Variants in ZNF385D observed in about 807,000 individuals in gnomAD.
ZNF385D encodes the protein zinc finger protein 659.
Under a neutral mutation model 35.8 loss-of-function variants are expected in ZNF385D, and 15 were observed. The observed-to-expected ratio is 0.42, with a 90% CI of 0.28 to 0.64. ZNF385D has a LOEUF of 0.64. Among genes scored for constraint, ZNF385D ranks in the 30% least tolerant of loss-of-function variants. ZNF385D has a pLI of 0.23. For synonymous variants in ZNF385D, 212 were observed against 186.8 expected (o/e 1.13, Z -1.10); for missense variants, 474 against 494.6 (o/e 0.96, Z 0.39).
At chr3:22,358,216 GA>G (rs2125507194) in intron 2 of ZNF385D, among the ~76,000 whole-genome samples, 1 of 151,980 alleles carries the variant, frequency 6.6e-6, no homozygotes, top group African/African-American at 2.4e-5. Flanking sequence ...TCAGAAATAT[GA>G]CAAATTGAGG....
At chr3:22,331,985 A>T (rs1363961981) in intron 2 of ZNF385D, among the ~76,000 whole-genome samples, 1 of 152,166 alleles carries the variant, frequency 6.6e-6, no homozygotes, top group Non-Finnish European at 1.5e-5. Context: ...CTTGAAACTT[A>T]ATAGTTTCAA....
At chr3:21,753,684 G>T (rs1575592453), upstream of ZNF385D, among the ~76,000 whole-genome samples, 1 of 152,100 alleles carries the variant, frequency 6.6e-6, no homozygotes, top group South Asian at 2.1e-4. Context: ...AGTGATGTTT[G>T]TTTTAATTGT....
chr3:21,599,240 A>G (rs1268250772), intron 2 of ZNF385D, among the ~76,000 whole-genome samples: 1 of 152,216 alleles, frequency 6.6e-6, no homozygotes, highest in African/African-American at 2.4e-5. Context: ...GAGGATAACA[A>G]AGTTGAAAAA....
intron 2 of ZNF385D, among the ~76,000 whole-genome samples, chr3:22,211,500 G>A (rs904486482): frequency 1.3e-5 from 2 of 151,936 alleles, no homozygotes; most frequent in African/African-American, 4.8e-5. Context: ...TGAGCATTTG[G>A]AATTTAGTTT....
At chr3:21,612,981 TTTTTC>T (rs2064731220) in intron 2 of ZNF385D, among the ~76,000 whole-genome samples, 1 of 122,220 alleles carries the variant, frequency 8.2e-6, no homozygotes, top group Non-Finnish European at 1.6e-5. Context: ...TGCAACATCT[TTTTTC>T]TTTTTTCTTT....
chr3:22,352,827 T>A (rs1695978679), intron 2 of ZNF385D, among the ~76,000 whole-genome samples: 1 of 152,198 alleles, frequency 6.6e-6, no homozygotes, highest in African/African-American at 2.4e-5. Flanking sequence ...AGCAGGTTCC[T>A]ATCACATTTT....
At chr3:22,006,615 G>A (rs1696223481) in intron 3 of ZNF385D, among the ~76,000 whole-genome samples, 1 of 152,002 alleles carries the variant, frequency 6.6e-6, no homozygotes, top group Non-Finnish European at 1.5e-5. Flanking sequence ...ACAGAAAGAA[G>A]AGAGTTAAGT....
At chr3:22,127,846 ACTAT>A (rs144756473) in intron 3 of ZNF385D, among the ~76,000 whole-genome samples, 3,807 of 152,212 alleles carry the variant, frequency 0.025, 58 homozygotes, top group Middle Eastern at 0.061. Context: ...ATCATACTAT[ACTAT>A]CTATGTCTTT....
chr3:21,490,480 C>T lies in ZNF385D; in HGVS notation c.439+20381G>A, dbSNP rs148865882. 1.5e-3 allele frequency among the ~76,000 whole-genome samples: 224 copies of T among 152,324 alleles called. 1 individual carries two copies. Among genetic ancestry groups the T allele is most frequent in the African/African-American group, 5.1e-3 (210 of 41,576 alleles). On this transcript the variant is annotated intron_variant, in intron 4 of 7. Transcript: ENST00000281523. ...ATCATCAGATGGAATCTATCCCCTA[C>T]CCCTTTATGCCTGTCTCAACCAATA... is the stretch of plus-strand genomic sequence containing the variant.
intron 2 of ZNF385D, among the ~76,000 whole-genome samples, chr3:22,185,330 C>T (rs1695557239): frequency 6.6e-6 from 1 of 152,142 alleles, no homozygotes; most frequent in African/African-American, 2.4e-5. Context: ...TTCAATGGTG[C>T]TCGTTAGTAA....
At chr3:21,731,266 A>G (rs2068984126) in intron 1 of ZNF385D, among the ~76,000 whole-genome samples, 1 of 152,180 alleles carries the variant, frequency 6.6e-6, no homozygotes, top group African/African-American at 2.4e-5. Context: ...ACATTTTGTT[A>G]TTATGAAGTG....
chr3:22,050,785 A>C (rs1559334594), intron 3 of ZNF385D, among the ~76,000 whole-genome samples: 1 of 152,182 alleles, frequency 6.6e-6, no homozygotes, highest in African/African-American at 2.4e-5. Flanking sequence ...TTTATATTAA[A>C]TAAACTAAAC....
chr3:22,049,617 A>C (rs1358565198), intron 3 of ZNF385D, among the ~76,000 whole-genome samples: 2 of 152,174 alleles, frequency 1.3e-5, no homozygotes, highest in East Asian at 3.9e-4. Flanking sequence ...AAAAGCTTTC[A>C]AAATTTAGTT....
intron 2 of ZNF385D, among the ~76,000 whole-genome samples, chr3:21,567,977 G>A (rs2063207712): frequency 6.6e-6 from 1 of 152,008 alleles, no homozygotes; most frequent in African/African-American, 2.4e-5. Context: ...ATGATGTTCT[G>A]ATCACTGTGG....
intron 3 of ZNF385D, among the ~76,000 whole-genome samples, chr3:22,126,472 T>C (rs1576364032): frequency 6.6e-6 from 1 of 152,224 alleles, no homozygotes; most frequent in East Asian, 1.9e-4. Context: ...TATTGTTTAC[T>C]TTCCATGTGT....
At chr3:22,188,780 A>G (rs1695819772) in intron 2 of ZNF385D, among the ~76,000 whole-genome samples, 2 of 152,202 alleles carry the variant, frequency 1.3e-5, no homozygotes, top group South Asian at 4.1e-4. Context: ...ATTTTCAAAT[A>G]TCTAGAGAAA....
intron 1 of ZNF385D, among the ~76,000 whole-genome samples, chr3:21,697,058 T>G (rs980063869): frequency 4.6e-5 from 7 of 152,214 alleles, no homozygotes; most frequent in Non-Finnish European, 7.4e-5. Flanking sequence ...GTTAAGTACT[T>G]GTTCTCTAAG....
At chr3:22,214,521 A>C (rs1697733736) in intron 2 of ZNF385D, among the ~76,000 whole-genome samples, 1 of 152,064 alleles carries the variant, frequency 6.6e-6, no homozygotes, top group Non-Finnish European at 1.5e-5. Context: ...TCAAAAGCAA[A>C]TAGGAGAAAT....
At chr3:21,801,647 C>T (rs2072408279) in intron 3 of ZNF385D, among the ~76,000 whole-genome samples, 1 of 152,050 alleles carries the variant, frequency 6.6e-6, no homozygotes, top group African/African-American at 2.4e-5. Flanking sequence ...AGGAAAACTA[C>T]AAAGGAATAA....
Sources: gnomAD v4.1 joint callset for allele counts (sites outside exome capture counted in the v4.1 genomes callset) on GRCh38, gnomAD v4.1.1 for gene constraint, MANE v1.5 for transcripts, NCBI Gene and HGNC (gene_info 2026-07-23, HGNC 2026-07-21) for gene names.